FILIP1L: variants seen among roughly 807,000 people sequenced by gnomAD.
FILIP1L encodes filamin A-interacting protein 1-like.
In FILIP1L, 55 loss-of-function variants were observed where a neutral mutation model predicts 96.6. The ratio of observed to expected loss-of-function variants is 0.57; its 90% CI spans 0.46 to 0.71. The LOEUF (loss-of-function observed/expected upper bound fraction) is 0.71, where lower values mean the gene tolerates loss of function less well. FILIP1L is among the 30% of genes least tolerant of loss of function. The pLI is 0.00. For synonymous variants in FILIP1L, 467 were observed against 473.9 expected (o/e 0.99, Z 0.19); for missense variants, 1,304 against 1,321.2 (o/e 0.99, Z 0.20).
chr3:99,983,450 ATATATATATGTG>A (rs1559713608), intron 1 of FILIP1L, among the ~76,000 whole-genome samples: 2 of 10,086 alleles, frequency 2.0e-4, no homozygotes, highest in African/African-American at 2.9e-4. Context: ...ATGTATGTAT[ATATATATATGTG>A]TGTATATATA....
intron 1 of FILIP1L, among the ~76,000 whole-genome samples, chr3:99,958,111 G>A (rs1306285022): frequency 6.7e-6 from 1 of 148,670 alleles, no homozygotes; most frequent in Non-Finnish European, 1.5e-5. Flanking sequence ...GGATACATGT[G>A]CAGGATGTGC....
intron 1 of FILIP1L, among the ~76,000 whole-genome samples, chr3:99,962,889 T>A (rs1708536010): frequency 6.6e-6 from 1 of 152,202 alleles, no homozygotes; most frequent in Admixed American, 6.5e-5. Flanking sequence ...CTGTTTATGG[T>A]CACAACTACA....
chr3:99,987,997 C>A (rs1183169719), intron 1 of FILIP1L, among the ~76,000 whole-genome samples: 1 of 152,058 alleles, frequency 6.6e-6, no homozygotes, highest in East Asian at 1.9e-4. Flanking sequence ...TCTTTTTTCT[C>A]TAATCAAATG....
intron 1 of FILIP1L, among the ~76,000 whole-genome samples, chr3:99,946,909 C>T (rs1442296186): frequency 1.3e-5 from 2 of 151,914 alleles, no homozygotes; most frequent in African/African-American, 2.4e-5. Context: ...CAGAGGTGGG[C>T]GGATCTCCTG....
chr3:99,886,926 T>C (rs1416946331), intron 4 of FILIP1L, among the ~76,000 whole-genome samples: 1 of 146,242 alleles, frequency 6.8e-6, no homozygotes, highest in Non-Finnish European at 1.5e-5. Context: ...GCCAAGATCA[T>C]GCAACTGCAC....
intron 4 of FILIP1L, among the ~76,000 whole-genome samples, chr3:99,901,194 G>T (rs1706423971): frequency 6.6e-6 from 1 of 152,222 alleles, no homozygotes; most frequent in South Asian, 2.1e-4. Flanking sequence ...CTTCAGGAAA[G>T]TGTTGTTTAG....
At chr3:99,875,931 T>C (rs985380082) in intron 4 of FILIP1L, 2 of 460,640 alleles carry the variant, frequency 4.3e-6, no homozygotes, top group Admixed American at 6.4e-5. Flanking sequence ...GTTTTGAACC[T>C]AGAATTCATT....
At chr3:99,988,353 A>C (rs1228029621) in intron 1 of FILIP1L, among the ~76,000 whole-genome samples, 4 of 149,944 alleles carry the variant, frequency 2.7e-5, no homozygotes, top group Admixed American at 6.6e-5. Flanking sequence ...AAAAAAAAAA[A>C]AAAAAAAAAA....
intron 1 of FILIP1L, among the ~76,000 whole-genome samples, chr3:99,986,880 G>A (rs2107116078): frequency 6.6e-6 from 1 of 152,304 alleles, no homozygotes; most frequent in Admixed American, 6.5e-5. Context: ...ATAGTGCCAA[G>A]GTGGAGAAAC....
intron 1 of FILIP1L, among the ~76,000 whole-genome samples, chr3:100,088,040 A>G (rs191927475): frequency 3.3e-5 from 5 of 152,106 alleles, no homozygotes; most frequent in Non-Finnish European, 7.4e-5. Flanking sequence ...CATGTTGGCC[A>G]GGCTGGTCAG....
chr3:99,952,100 T>C lies in FILIP1L; in HGVS notation c.-10-21070A>G, dbSNP rs1708193007. Among the ~76,000 whole-genome samples, 3 of 151,958 alleles carry C rather than the reference T, an allele frequency of 2.0e-5. No homozygotes were observed. In the South Asian group the frequency reaches 6.2e-4, roughly 32 times the overall value. ...CTCTGAAGCTGTTAAAGAGAATATA[T>C]AGATTTGGCACAGGCATCACCAGAG... On this transcript the variant is annotated intron_variant, in intron 1 of 5. Transcript: ENST00000477258.
chr3:99,833,298 G>T, intron 5 of FILIP1L: 2 of 1,565,014 alleles, frequency 1.3e-6, no homozygotes, highest in South Asian at 2.2e-5. Context: ...TAAATTTGTG[G>T]AATATATTAA....
chr3:100,032,707 T>G (rs1446831418), intron 1 of FILIP1L, among the ~76,000 whole-genome samples: 2 of 152,186 alleles, frequency 1.3e-5, no homozygotes, highest in Admixed American at 1.3e-4. Context: ...GTATGAATAA[T>G]TTATGGGCAG....
chr3:100,035,376 C>A (rs1477679749), intron 1 of FILIP1L, among the ~76,000 whole-genome samples: 4 of 152,152 alleles, frequency 2.6e-5, no homozygotes, highest in Non-Finnish European at 5.9e-5. Flanking sequence ...TGGGTTCAAG[C>A]AATTCTCCTG....
At chr3:100,037,960 G>GT (rs1319777710) in intron 1 of FILIP1L, among the ~76,000 whole-genome samples, 3 of 129,374 alleles carry the variant, frequency 2.3e-5, no homozygotes, top group African/African-American at 8.8e-5. Context: ...TTTTTTTGGG[G>GT]GGGGAGGGAA....
intron 1 of FILIP1L, among the ~76,000 whole-genome samples, chr3:99,941,789 T>C (rs908645581): frequency 2.0e-5 from 3 of 152,092 alleles, no homozygotes; most frequent in African/African-American, 7.2e-5. Context: ...TTGGAAAAAA[T>C]ATATTGATTT....
At chr3:99,863,384 G>A (rs965549136) in intron 4 of FILIP1L, among the ~76,000 whole-genome samples, 5 of 152,156 alleles carry the variant, frequency 3.3e-5, no homozygotes, top group Admixed American at 2.6e-4. Context: ...CCCTGGGGTT[G>A]GGGACTCCTG....
chr3:99,955,584 T>G (rs1364233796), intron 1 of FILIP1L, among the ~76,000 whole-genome samples: 1 of 152,164 alleles, frequency 6.6e-6, no homozygotes, highest in Non-Finnish European at 1.5e-5. Flanking sequence ...CCAGACACTT[T>G]TTTACTTGTG....
chr3:99,991,405 A>C (rs1426306446), intron 1 of FILIP1L, among the ~76,000 whole-genome samples: 1 of 152,182 alleles, frequency 6.6e-6, no homozygotes, highest in Non-Finnish European at 1.5e-5. Flanking sequence ...TGTTGAAAAT[A>C]TATGAAGTGA....
Sources: gnomAD v4.1 joint callset for allele counts (sites outside exome capture counted in the v4.1 genomes callset) on GRCh38, gnomAD v4.1.1 for gene constraint, MANE v1.5 for transcripts, NCBI Gene and HGNC (gene_info 2026-07-23, HGNC 2026-07-21) for gene names.